The following NIPAL3 variants were observed in gnomAD, a reference collection of about 807,000 sequenced individuals.
NIPAL3 encodes NIPA-like protein 3.
In NIPAL3, 41 loss-of-function variants were observed where a neutral mutation model predicts 47.2. That is an observed-to-expected ratio of 0.87 (90% confidence interval 0.68 to 1.13). The LOEUF (loss-of-function observed/expected upper bound fraction) is 1.13. Among genes scored for constraint, NIPAL3 ranks in the 50% most tolerant of loss-of-function variants. NIPAL3 has a pLI of 0.00. For synonymous variants in NIPAL3, 194 were observed against 209.6 expected (o/e 0.93, Z 0.64); for missense variants, 449 against 530.1 (o/e 0.85, Z 1.50).
At chr1:24,415,706 C>T, upstream of NIPAL3, 4 of 326,318 alleles carry the variant, frequency 1.2e-5, no homozygotes, top group Non-Finnish European at 1.8e-5. Flanking sequence ...AGCCACTTGC[C>T]TGCGCGAAAT....
At chr1:24,427,230 T>A (rs1570207982) in intron 2 of NIPAL3, among the ~76,000 whole-genome samples, 1 of 151,984 alleles carries the variant, frequency 6.6e-6, no homozygotes, top group East Asian at 1.9e-4. Context: ...CTGGCAGGAG[T>A]CATCCTTGCC....
chr1:24,419,408 A>G lies in NIPAL3; in HGVS notation c.-140A>G. On this transcript the variant is annotated 5_prime_UTR_variant, in exon 2 of 12. Transcript: ENST00000374399. Reference sequence around the variant, plus strand: ...TGTAAATCTGCCAAAACAGCCTTGAAGTATTCTTTTGTCATGAGGAAGTGA... The same window carrying G: ...TGTAAATCTGCCAAAACAGCCTTGAGGTATTCTTTTGTCATGAGGAAGTGA... The G allele has an allele frequency of 7.3e-7, 1 of 1,367,270 alleles. No individual in the cohort carries two copies. Among genetic ancestry groups the G allele is most frequent in the African/African-American group, 1.5e-5 (1 of 66,742 alleles). 84.7% of individuals were successfully genotyped at this position (1,367,270 alleles called of 1,614,324 possible). A position where few individuals can be genotyped will look rare whatever the true frequency, so the allele number is the denominator to read the frequency against.
intron 11 of NIPAL3, chr1:24,466,258 C>G (rs1646694321): frequency 3.5e-6 from 2 of 577,032 alleles, no homozygotes; most frequent in Admixed American, 6.4e-5. Flanking sequence ...TGTGATGGAT[C>G]AGGACACAAG....
At chr1:24,418,461 C>CTCTA (rs1438624902) in intron 1 of NIPAL3, among the ~76,000 whole-genome samples, 1 of 152,088 alleles carries the variant, frequency 6.6e-6, no homozygotes. Context: ...GAAACCCTGT[C>CTCTA]TCTACAAAAA....
chr1:24,419,307 G>T lies in NIPAL3; in HGVS notation c.-241G>T. The T allele has an allele frequency of 8.1e-7, 1 of 1,230,070 alleles. No individual in the cohort carries two copies. Among genetic ancestry groups the T allele is most frequent in the Non-Finnish European group, 1.0e-6 (1 of 985,124 alleles). 76.2% of individuals were successfully genotyped at this position (1,230,070 alleles called of 1,614,324 possible). On this transcript the variant is annotated 5_prime_UTR_variant, in exon 2 of 12. Coordinates refer to ENST00000374399, the MANE Select transcript of NIPAL3 (RefSeq NM_020448.5). ...CCACCCTAGAGCACCGCAAGAACTG[G>T]AAAACACACCCCTCTCTGTCTGCCT...
intron 6 of NIPAL3, among the ~76,000 whole-genome samples, chr1:24,450,481 T>C (rs4648990): frequency 0.18 from 27,103 of 152,202 alleles, 2,855 homozygotes; most frequent in East Asian, 0.27. Context: ...GCCCCAGTTC[T>C]ATCCCATTTT....
chr1:24,464,040 T>G lies in NIPAL3; in HGVS notation c.941T>G (p.Phe314Cys), dbSNP rs761134263. Residue 314 changes from phenylalanine to cysteine, a missense_variant, in exon 11 of 12, where the codon TTC becomes TGC. Coordinates refer to ENST00000374399, the MANE Select transcript of NIPAL3 (RefSeq NM_020448.5). ...CCATTCCGCAGGTGCCTCATTGCAT[T>G]CTTGGGCGTCTTCTTAATCACGCGT... ...CMFALGCLIA[F>C]LGVFLITRNR... 3.7e-6 allele frequency: 6 copies of G among 1,612,466 alleles called. No homozygotes were observed. Among genetic ancestry groups the G allele is most frequent in the Admixed American group, 3.3e-5 (2 of 59,982 alleles).
chr1:24,445,366 C>T, intron 5 of NIPAL3, 122 bp downstream of exon 5: 3 of 645,894 alleles, frequency 4.6e-6, no homozygotes, highest in Non-Finnish European at 8.0e-6. Flanking sequence ...GTTCTATGTT[C>T]TGCCCTCAAC....
rs543328095 is a variant in NIPAL3 at position 24,441,522 on chromosome 1, C to T, written c.163-533C>T. Among the ~76,000 whole-genome samples the T allele has an allele frequency of 6.6e-5, 10 of 152,272 alleles. No individual in the cohort carries two copies. The East Asian group carries it at 7.7e-4, about 12-fold the overall frequency. ...AAGAATATTGACCATGCTTGAGCCA[C>T]GTATCCACCCCAGGGAGAGCAAGGC... On this transcript the variant is annotated intron_variant, in intron 3 of 11. Coordinates refer to ENST00000374399, the MANE Select transcript of NIPAL3 (RefSeq NM_020448.5).
intron 4 of NIPAL3, among the ~76,000 whole-genome samples, chr1:24,442,531 A>G (rs1570290043): frequency 1.3e-5 from 2 of 152,346 alleles, no homozygotes; most frequent in East Asian, 1.9e-4. Context: ...CAGGGCTGGG[A>G]TATGAACTGG....
At chr1:24,423,892 G>A (rs921355485) in intron 2 of NIPAL3, among the ~76,000 whole-genome samples, 1 of 152,202 alleles carries the variant, frequency 6.6e-6, no homozygotes, top group African/African-American at 2.4e-5. Context: ...TTTAATAAAG[G>A]AGATGTTTGC....
intron 2 of NIPAL3, among the ~76,000 whole-genome samples, chr1:24,431,312 C>G (rs145936660): frequency 0.019 from 2,935 of 152,204 alleles, 36 homozygotes; most frequent in Middle Eastern, 0.031. Context: ...AAATGAAGGA[C>G]AAGCCTTTCT....
rs144397432 is a variant in NIPAL3, at chr1:24,419,096, G to A, written c.-257-195G>A. 2.4e-3 allele frequency among the ~76,000 whole-genome samples: 361 copies of A among 152,246 alleles called. 4 individuals carry two copies. Among genetic ancestry groups the A allele is most frequent in the African/African-American group, 7.8e-3 (325 of 41,556 alleles). On this transcript the variant is annotated intron_variant, in intron 1 of 11. Coordinates refer to ENST00000374399, the MANE Select transcript of NIPAL3 (RefSeq NM_020448.5). ...CTTTTGAGATAGATGAGTCAGGTTTGTATTAAGGGGAGGACAAAGGCATGA... is the reference window on the plus strand; with the variant it reads ...CTTTTGAGATAGATGAGTCAGGTTTATATTAAGGGGAGGACAAAGGCATGA...
intron 2 of NIPAL3, chr1:24,433,036 AC>A (rs1267464028): frequency 6.6e-6 from 1 of 152,200 alleles, no homozygotes; most frequent in Admixed American, 6.5e-5. Flanking sequence ...GTATCCGTAA[AC>A]CCTCTGACTT....
At position 24,415,814 on chromosome 1, in the gene NIPAL3, G is replaced by C; in HGVS notation, c.-348G>C. 1.0e-6 allele frequency: 1 copy of C among 984,484 alleles called. No homozygotes were observed. Among genetic ancestry groups the C allele is most frequent in the Non-Finnish European group, 1.2e-6 (1 of 829,030 alleles). The allele number at this position is 984,484 out of a possible 1,614,324, so 61.0% of individuals were successfully genotyped here. On this transcript the variant is annotated 5_prime_UTR_variant, in exon 1 of 12. Coordinates refer to ENST00000374399, the MANE Select transcript of NIPAL3 (RefSeq NM_020448.5). The stretch of plus-strand genomic sequence containing the variant: ...TCTTGGCAGCTCTGAATTGGGAAGG[G>C]ATGAAGGAGGCTGTGCCTCCGGGTT...
At chr1:24,468,673 A>G (rs1646799397) in intron 11 of NIPAL3, among the ~76,000 whole-genome samples, 1 of 152,198 alleles carries the variant, frequency 6.6e-6, no homozygotes, top group Non-Finnish European at 1.5e-5. Context: ...TTCAAAGCAC[A>G]GTGCTAGTTC....
At chr1:24,436,254 C>G (rs1645101468) in intron 2 of NIPAL3, among the ~76,000 whole-genome samples, 1 of 152,012 alleles carries the variant, frequency 6.6e-6, no homozygotes, top group Admixed American at 6.5e-5. Context: ...AGCTTCCCAT[C>G]AGCTTGTCCT....
At chr1:24,462,111 A>G (rs1484444124) in intron 10 of NIPAL3, among the ~76,000 whole-genome samples, 1 of 152,174 alleles carries the variant, frequency 6.6e-6, no homozygotes, top group Admixed American at 6.5e-5. Flanking sequence ...ACATGGCAGC[A>G]GGAAGGAGAG....
intron 2 of NIPAL3, among the ~76,000 whole-genome samples, chr1:24,432,924 G>A (rs551268429): frequency 6.5e-4 from 99 of 152,290 alleles, no homozygotes; most frequent in Admixed American, 8.5e-4. Flanking sequence ...TGCCTAACAC[G>A]TAGGAAGTTC....
Sources: allele counts gnomAD v4.1 joint callset (sites outside exome capture counted in the v4.1 genomes callset), GRCh38; gene constraint gnomAD v4.1.1; transcripts MANE v1.5; gene names NCBI Gene and HGNC (gene_info 2026-07-23, HGNC 2026-07-21).